NUS1: variants seen among roughly 807,000 people sequenced by gnomAD.
NUS1 encodes the protein dehydrodolichyl diphosphate synthase complex subunit NUS1.
For missense variants in NUS1, 292 were observed against 382.9 expected (o/e 0.76, Z 1.98); for synonymous variants, 135 against 155.2 (o/e 0.87, Z 0.97).
intron 3 of NUS1, among the ~76,000 whole-genome samples, chr6:117,701,829 C>G (rs1773415001): frequency 6.6e-6 from 1 of 151,828 alleles, no homozygotes; most frequent in African/African-American, 2.4e-5. Flanking sequence ...AAAGATTACT[C>G]CTGCTGTCTC....
chr6:117,695,432 C>T lies in NUS1; in HGVS notation c.691+1252C>T, dbSNP rs74604195. ...CAGTGAGTAGTAGACCATTATGGGG[C>T]CTCTCTGCTCAGATGTTACTGGGAT... On this transcript the variant is annotated intron_variant, in intron 3 of 4. Coordinates refer to ENST00000368494, the MANE Select transcript of NUS1 (RefSeq NM_138459.5). Among the ~76,000 whole-genome samples, 437 of 152,122 alleles carry T rather than the reference C, an allele frequency of 2.9e-3. 1 individual carries two copies. Among genetic ancestry groups the T allele is most frequent in the Non-Finnish European group, 5.2e-3 (356 of 67,990 alleles).
chr6:117,699,122 T>G (rs117266923), intron 3 of NUS1, among the ~76,000 whole-genome samples: 1 of 152,154 alleles, frequency 6.6e-6, no homozygotes, highest in Non-Finnish European at 1.5e-5. Flanking sequence ...ACCACTGTTA[T>G]TTAGCATAGC....
At chr6:117,696,495 T>A (rs976443421) in intron 3 of NUS1, among the ~76,000 whole-genome samples, 8 of 148,272 alleles carry the variant, frequency 5.4e-5, no homozygotes, top group Non-Finnish European at 1.0e-4. Flanking sequence ...GTCAAGGATT[T>A]AAAAAAAAAA....
rs190768197 is a variant in NUS1 at position 117,694,392 on chromosome 6, C to T, written c.691+212C>T. Among the ~76,000 whole-genome samples the T allele has an allele frequency of 2.3e-3, 354 of 152,078 alleles. 3 individuals carry two copies. The highest frequency in any genetic ancestry group is 8.2e-3 in the African/African-American group (340 of 41,474). ...ACAATGAAATTTGTAGCCACTCACTCGCATGAGGATTTAATGGTAAAGGAG... is the reference window on the plus strand; with the variant it reads ...ACAATGAAATTTGTAGCCACTCACTTGCATGAGGATTTAATGGTAAAGGAG... On this transcript the variant is annotated intron_variant, in intron 3 of 4. Transcript: ENST00000368494.
intron 3 of NUS1, among the ~76,000 whole-genome samples, chr6:117,695,218 AAAAG>A (rs1773301938): frequency 6.7e-6 from 1 of 150,326 alleles, no homozygotes; most frequent in Non-Finnish European, 1.5e-5. Flanking sequence ...AAAAAAAAAA[AAAAG>A]AAAAAGAAAT....
chr6:117,676,940 T>C (rs1317615276), intron 1 of NUS1, among the ~76,000 whole-genome samples: 1 of 152,020 alleles, frequency 6.6e-6, no homozygotes, highest in African/African-American at 2.4e-5. Flanking sequence ...TTATGAAAAA[T>C]ATGTGAGAGA....
chr6:117,706,858 C>T, intron 4 of NUS1, 67 bp from the exon 5 acceptor site: 2 of 1,269,062 alleles, frequency 1.6e-6, no homozygotes, highest in Admixed American at 1.7e-5. Context: ...TGGTCCTTAT[C>T]TTCTGGTTCC....
rs1178655805 is a variant in NUS1 at position 117,676,084 on chromosome 6, A to G, written c.414A>G (p.Gln138=). 2 of 1,550,852 alleles carry G rather than the reference A, an allele frequency of 1.3e-6. No homozygotes were observed. The highest frequency in any genetic ancestry group is 1.2e-5 in the South Asian group (1 of 84,042). Reference sequence around the variant, plus strand: ...CCTACATTAGCGTCTACGACCACCAAGGTGAGGCCCGGTGCGGTGGTGGGG... The same window carrying G: ...CCTACATTAGCGTCTACGACCACCAGGGTGAGGCCCGGTGCGGTGGTGGGG... ...GISYISVYDH[Q]GIFKRNNSRL... The change falls in exon 1 of 5, where the codon CAA becomes CAG. Residue 138 remains glutamine (Q), a splice_region_variant and synonymous_variant. Coordinates refer to ENST00000368494, the MANE Select transcript of NUS1 (RefSeq NM_138459.5).
intron 1 of NUS1, among the ~76,000 whole-genome samples, chr6:117,688,476 C>T (rs1295991808): frequency 6.6e-6 from 1 of 151,046 alleles, no homozygotes; most frequent in African/African-American, 2.4e-5. Flanking sequence ...TTATAAACCA[C>T]TTTATAGCAA....
At chr6:117,699,292 A>C (rs1485907924) in intron 3 of NUS1, among the ~76,000 whole-genome samples, 1 of 152,196 alleles carries the variant, frequency 6.6e-6, no homozygotes, top group African/African-American at 2.4e-5. Flanking sequence ...ACATTCAGTA[A>C]AGTTGCAGGA....
At position 117,708,876 on chromosome 6, in the gene NUS1, G is replaced by A. The variant is rs927954520; in HGVS notation, c.*1861G>A. 2.5e-4 allele frequency: 38 copies of A among 151,870 alleles called. No homozygotes were observed. The highest frequency in any genetic ancestry group is 8.5e-4 in the African/African-American group (35 of 41,346). 9.4% of individuals were successfully genotyped at this position (151,870 alleles called of 1,614,324 possible). A position where few individuals can be genotyped will look rare whatever the true frequency, so the allele number is the denominator to read the frequency against. On this transcript the variant is annotated 3_prime_UTR_variant, in exon 5 of 5. Coordinates refer to ENST00000368494, the MANE Select transcript of NUS1 (RefSeq NM_138459.5). ...TTTAATGGACCTGATTAAAATGAAGGGATTTAATCGTTGTTAAAGTTAAGT... is the reference window on the plus strand; with the variant it reads ...TTTAATGGACCTGATTAAAATGAAGAGATTTAATCGTTGTTAAAGTTAAGT...
At chr6:117,677,487 G>A (rs1170546516) in intron 1 of NUS1, among the ~76,000 whole-genome samples, 2 of 152,232 alleles carry the variant, frequency 1.3e-5, no homozygotes, top group Admixed American at 6.5e-5. Context: ...GTATTGGTAT[G>A]AAGGGAAGAA....
intron 1 of NUS1, among the ~76,000 whole-genome samples, chr6:117,677,947 G>A (rs952018770): frequency 1.3e-5 from 2 of 152,210 alleles, no homozygotes; most frequent in East Asian, 1.9e-4. Context: ...TTTAAAGCAA[G>A]TATCTTTATC....
At chr6:117,693,212 T>C (rs1582471131) in intron 2 of NUS1, 45 bp downstream of exon 2, 1 of 1,571,002 alleles carries the variant, frequency 6.4e-7, no homozygotes. Flanking sequence ...TGAAGATGTG[T>C]GTTTTGTGTT....
At chr6:117,706,373 C>T (rs1021309770) in intron 4 of NUS1, among the ~76,000 whole-genome samples, 11 of 152,126 alleles carry the variant, frequency 7.2e-5, no homozygotes, top group Non-Finnish European at 1.5e-4. Context: ...GTAATATTGG[C>T]TTTACTCTGA....
In NUS1 at chr6:117,709,631, G is replaced by GGTACTC. The variant is rs1773548537; in HGVS notation, c.*2616_*2617insGTACTC. On this transcript the variant is annotated 3_prime_UTR_variant, in exon 5 of 5. Coordinates refer to ENST00000368494, the MANE Select transcript of NUS1 (RefSeq NM_138459.5). ...GTTACTGGATTAGCTCCCTCCTCCT[G>GGTACTC]TGTGATGGTACCATGCATAGAGTCA... 6.6e-6 allele frequency: 1 copy of GGTACTC among 152,022 alleles called. No homozygotes were observed. The highest frequency in any genetic ancestry group is 1.5e-5 in the Non-Finnish European group (1 of 67,838). 9.4% of individuals were successfully genotyped at this position (152,022 alleles called of 1,614,324 possible).
intron 1 of NUS1, among the ~76,000 whole-genome samples, chr6:117,686,160 C>T (rs2114681815): frequency 7.0e-6 from 1 of 143,044 alleles, no homozygotes; most frequent in African/African-American, 2.6e-5. Flanking sequence ...ACTCGAGAGG[C>T]TGAGGCAGGA....
At chr6:117,703,199 A>G (rs1554202671) in intron 3 of NUS1, among the ~76,000 whole-genome samples, 1 of 152,214 alleles carries the variant, frequency 6.6e-6, no homozygotes, top group Non-Finnish European at 1.5e-5. Context: ...CTCTGAAGTT[A>G]TTCAATTCTG....
At chr6:117,693,287 A>C (rs1773269084) in intron 2 of NUS1, 120 bp downstream of exon 2, 1 of 1,030,910 alleles carries the variant, frequency 9.7e-7, no homozygotes, top group Non-Finnish European at 1.5e-6. Flanking sequence ...TTTATTGTCA[A>C]CATCTTTAAT....
Sources: gnomAD v4.1 joint callset for allele counts (sites outside exome capture counted in the v4.1 genomes callset) on GRCh38, gnomAD v4.1.1 for gene constraint, MANE v1.5 for transcripts, NCBI Gene and HGNC (gene_info 2026-07-23, HGNC 2026-07-21) for gene names.